The following GABRG3 variants were observed in gnomAD, a reference collection of about 807,000 sequenced individuals.
GABRG3 encodes gamma-aminobutyric acid type A receptor subunit gamma3, also known as gamma-aminobutyric acid receptor subunit gamma-3.
In GABRG3, 25 loss-of-function variants were observed where a neutral mutation model predicts 48.8. The ratio of observed to expected loss-of-function variants is 0.51; its 90% confidence interval spans 0.37 to 0.72. The LOEUF (loss-of-function observed/expected upper bound fraction) is 0.72. Among genes scored for constraint, GABRG3 ranks in the 30% least tolerant of loss-of-function variants. GABRG3 has a pLI of 0.00. For missense variants in GABRG3, 394 were observed against 577.9 expected (o/e 0.68, Z 3.26); for synonymous variants, 227 against 217.6 (o/e 1.04, Z -0.38).
At chr15:27,299,022 A>G (rs1249631219) in intron 3 of GABRG3, among the ~76,000 whole-genome samples, 1 of 152,228 alleles carries the variant, frequency 6.6e-6, no homozygotes, top group African/African-American at 2.4e-5. Flanking sequence ...GGTGGCTCAC[A>G]TCTGTAATCC....
intron 3 of GABRG3, among the ~76,000 whole-genome samples, chr15:27,089,680 AG>A (rs1236648162): frequency 6.6e-6 from 1 of 152,176 alleles, no homozygotes. Context: ...TCATGCAGGA[AG>A]GCTGTGGTCA....
chr15:27,065,653 G>A (rs989294077), intron 3 of GABRG3, among the ~76,000 whole-genome samples: 3 of 152,174 alleles, frequency 2.0e-5, no homozygotes, highest in Admixed American at 1.3e-4. Flanking sequence ...TAAGACTTTC[G>A]TTTGCAAAGA....
At chr15:27,172,720 A>C (rs403269) in intron 3 of GABRG3, among the ~76,000 whole-genome samples, 35,328 of 152,080 alleles carry the variant, frequency 0.23, 5,380 homozygotes, top group Non-Finnish European at 0.33. Context: ...AGAAGTGGCC[A>C]CTGAATCCCT....
At chr15:27,356,841 A>C (rs1343262064) in intron 5 of GABRG3, among the ~76,000 whole-genome samples, 1 of 152,202 alleles carries the variant, frequency 6.6e-6, no homozygotes, top group Non-Finnish European at 1.5e-5. Flanking sequence ...TGAGTGATGC[A>C]TGCAATTAGA....
chr15:27,267,539 A>G (rs976991459), intron 3 of GABRG3, among the ~76,000 whole-genome samples: 1 of 151,872 alleles, frequency 6.6e-6, no homozygotes, highest in African/African-American at 2.4e-5. Flanking sequence ...TCCCAGGCTC[A>G]AGCAATCCTC....
At chr15:27,198,017 G>C (rs939256583) in intron 3 of GABRG3, among the ~76,000 whole-genome samples, 9 of 151,996 alleles carry the variant, frequency 5.9e-5, no homozygotes, top group Non-Finnish European at 1.3e-4. Flanking sequence ...AGTCTGGCTA[G>C]CGGTCTATCT....
chr15:27,403,630 C>T (rs1169479810), intron 5 of GABRG3, among the ~76,000 whole-genome samples: 8 of 152,046 alleles, frequency 5.3e-5, no homozygotes, highest in Admixed American at 5.2e-4. Context: ...TTAAAGAACT[C>T]CTGGCCGGGC....
intron 3 of GABRG3, among the ~76,000 whole-genome samples, chr15:27,143,393 G>C (rs1363558669): frequency 6.6e-6 from 1 of 152,148 alleles, no homozygotes; most frequent in Non-Finnish European, 1.5e-5. Context: ...TTTCTTATAA[G>C]AAGAAGCAAC....
chr15:27,196,158 T>A (rs1339971166), intron 3 of GABRG3, among the ~76,000 whole-genome samples: 1 of 152,140 alleles, frequency 6.6e-6, no homozygotes, highest in East Asian at 1.9e-4. Context: ...ATGAGTCCAG[T>A]GGCATTTCAG....
chr15:27,499,256 T>C (rs1352188621), intron 6 of GABRG3, among the ~76,000 whole-genome samples: 3 of 152,222 alleles, frequency 2.0e-5, no homozygotes, highest in African/African-American at 7.2e-5. Context: ...TTGTTCTTAT[T>C]CTAAGCACTT....
intron 5 of GABRG3, among the ~76,000 whole-genome samples, chr15:27,374,639 A>G (rs916708627): frequency 1.3e-5 from 2 of 152,098 alleles, no homozygotes; most frequent in Non-Finnish European, 2.9e-5. Context: ...TGTATCTGGG[A>G]GGTGACCAAG....
intron 2 of GABRG3, among the ~76,000 whole-genome samples, chr15:26,992,948 G>A (rs1895275261): frequency 1.3e-5 from 2 of 151,916 alleles, no homozygotes; most frequent in Admixed American, 1.3e-4. Context: ...TAGGTTGTAT[G>A]TATCATCTAG....
chr15:27,275,827 G>A (rs1891232840), intron 3 of GABRG3, among the ~76,000 whole-genome samples: 1 of 152,158 alleles, frequency 6.6e-6, no homozygotes, highest in East Asian at 1.9e-4. Flanking sequence ...GTGACTGCAG[G>A]TCCGATGGGG....
At chr15:27,141,388 A>G (rs557960841) in intron 3 of GABRG3, among the ~76,000 whole-genome samples, 1 of 152,306 alleles carries the variant, frequency 6.6e-6, no homozygotes, top group Non-Finnish European at 1.5e-5. Flanking sequence ...GGAGGAAGGA[A>G]CTGGAAACAT....
chr15:27,302,654 C>G (rs1424055926), intron 3 of GABRG3, among the ~76,000 whole-genome samples: 1 of 151,950 alleles, frequency 6.6e-6, no homozygotes, highest in Non-Finnish European at 1.5e-5. Context: ...ACTGATTTTA[C>G]AGAACATTCT....
intron 5 of GABRG3, among the ~76,000 whole-genome samples, chr15:27,418,175 G>A (rs531752563): frequency 3.9e-5 from 6 of 152,284 alleles, no homozygotes; most frequent in African/African-American, 1.4e-4. Flanking sequence ...CCTGATGACC[G>A]GCCAGGGGAC....
In GABRG3 at chr15:27,409,262, T is replaced by C. The variant is rs533712337; in HGVS notation, c.575-71388T>C. Among the ~76,000 whole-genome samples, 9 of 152,328 alleles carry C rather than the reference T, an allele frequency of 5.9e-5. No individual in the cohort carries two copies. In the East Asian group the frequency reaches 1.4e-3, roughly 23 times the overall value. On this transcript the variant is annotated intron_variant, in intron 5 of 9. Transcript: ENST00000615808. ...TATATTTAAATCTATTTTGAATTAA[T>C]TTTTGTGCATGGCATGCAATATAGA...
At chr15:27,102,169 T>C (rs1221845420) in intron 3 of GABRG3, among the ~76,000 whole-genome samples, 5 of 152,196 alleles carry the variant, frequency 3.3e-5, no homozygotes, top group Admixed American at 3.3e-4. Context: ...GGAGTCCCAT[T>C]ACACACATGG....
chr15:27,295,642 T>C (rs943476155), intron 3 of GABRG3, among the ~76,000 whole-genome samples: 3 of 152,172 alleles, frequency 2.0e-5, no homozygotes, highest in Non-Finnish European at 4.4e-5. Context: ...GTTAACAATA[T>C]GCGGAGACTC....
Sources: gnomAD v4.1 joint callset for allele counts (sites outside exome capture counted in the v4.1 genomes callset) on GRCh38, gnomAD v4.1.1 for gene constraint, MANE v1.5 for transcripts, NCBI Gene and HGNC (gene_info 2026-07-23, HGNC 2026-07-21) for gene names.